Variants in LLGL1 observed in about 807,000 individuals in gnomAD.
LLGL1 encodes the protein LLGL scribble cell polarity complex component 1.
Under a neutral mutation model 110.6 loss-of-function variants are expected in LLGL1, and 58 were observed. The observed-to-expected ratio is 0.52, with a 90% CI of 0.42 to 0.65. The LOEUF (loss-of-function observed/expected upper bound fraction) is 0.65. Ranked by LOEUF, LLGL1 falls within the 30% of genes least tolerant of loss-of-function variation. The pLI is 0.00. For missense variants in LLGL1, 1,229 were observed against 1,462.1 expected, an observed-to-expected ratio of 0.84 and a Z score of 2.60; for synonymous variants, 674 against 607.2, an observed-to-expected ratio of 1.11 and a Z score of -1.62.
At position 18,240,052 on chromosome 17, in the gene LLGL1, C is replaced by T. The variant is rs4925152; in HGVS notation, c.2207-526C>T. On this transcript the variant is annotated intron_variant, in intron 16 of 22. Coordinates refer to ENST00000316843, the MANE Select transcript of LLGL1 (RefSeq NM_004140.4). This position sits in a 1 kb window ranked among gnomAD's most constrained non-coding sequence, Gnocchi z 5.3. ...GTCGATGGATGGTCGTCCTAGGTGT[C>T]CCCAGGCTTGGCGGCTTCCTCTGGC... 5.2e-3 allele frequency among the ~76,000 whole-genome samples: 788 copies of T among 152,178 alleles called. 8 individuals are homozygous for T. Among genetic ancestry groups the T allele is most frequent in the African/African-American group, 0.012 (504 of 41,510 alleles).
Position 18,232,542 on chromosome 17 carries a change from C to T in LLGL1, c.227C>T (p.Ala76Val). The change falls in exon 3 of 23, where the codon GCC (alanine) becomes GTC (valine). Residue 76 changes from alanine (A) to valine (V), a missense_variant. Physicochemically the swap from Ala to Val is moderately conservative, Grantham distance 64 (BLOSUM62 0). Coordinates refer to ENST00000316843, the MANE Select transcript of LLGL1 (RefSeq NM_004140.4). ...VEFTGLHRDA[A>V]TVTQMHFLTG... ...TTCACAGGCCTGCACCGGGATGCAG[C>T]CACTGTCACACAGATGCACTTCTTG... is the stretch of plus-strand genomic sequence containing the variant. 6.2e-7 allele frequency: 1 copy of T among 1,614,128 alleles called. No individual in the cohort carries two copies. Among genetic ancestry groups the T allele is most frequent in the Non-Finnish European group, 8.5e-7 (1 of 1,179,962 alleles).
At position 18,242,726 on chromosome 17, in the gene LLGL1, C is replaced by T; in HGVS notation, c.3117-17C>T. The stretch of plus-strand genomic sequence containing the variant: ...GCTCCCCCGCCCCCACCCCTGAGCA[C>T]CATCCCCATCTCGCAGCTCCTCTGA... On this transcript the variant is annotated splice_polypyrimidine_tract_variant and intron_variant, in intron 21 of 22. Coordinates refer to ENST00000316843, the MANE Select transcript of LLGL1 (RefSeq NM_004140.4). 1 of 1,564,616 alleles carries T rather than the reference C, an allele frequency of 6.4e-7. No homozygotes were observed. The highest frequency in any genetic ancestry group is 1.2e-5 in the South Asian group (1 of 85,494).
chr17:18,238,151 T>G lies in LLGL1; in HGVS notation c.1989T>G (p.Ser663=). 1 of 1,613,684 alleles carries G rather than the reference T, an allele frequency of 6.2e-7. No homozygotes were observed. The highest frequency in any genetic ancestry group is 1.1e-5 in the South Asian group (1 of 91,086). The change falls in exon 15 of 23, where the codon TCT becomes TCG. Residue 663 remains serine, a synonymous_variant. Transcript: ENST00000316843. ...CTCTCAAGAAGTCACTGCGCCAGTC[T>G]TTCCGGCGCATTCGCAAGAGTCGTG... ...VKSLKKSLRQ[S]FRRIRKSRVS... is the part of the protein sequence containing the mutation.
rs1257176122 is a variant in LLGL1, at chr17:18,233,916, C to G, written c.531C>G (p.Ala177=). ...TLTLLEGQTL[A]PGEVLRSVPD... The stretch of plus-strand genomic sequence containing the variant: ...CCCTGCTCGAGGGGCAGACGCTTGC[C>G]CCAGGCGAGGTTCTGCGCAGGTAAG... Residue 177 remains alanine (A), a synonymous_variant, in exon 5 of 23, where the codon GCC becomes GCG. Transcript: ENST00000316843. 1 of 1,612,920 alleles carries G rather than the reference C, an allele frequency of 6.2e-7. No homozygotes were observed. Among genetic ancestry groups the G allele is most frequent in the South Asian group, 1.1e-5 (1 of 91,082 alleles).
chr17:18,234,213 C>A, intron 6 of LLGL1, 38 bp downstream of exon 6: 4 of 1,599,034 alleles, frequency 2.5e-6, no homozygotes, highest in Non-Finnish European at 3.4e-6. Context: ...AGCCTGGGCC[C>A]CTTGTGCATG....
chr17:18,241,504 T>C lies in LLGL1; in HGVS notation c.2556T>C (p.His852=), dbSNP rs750130259. The change falls in exon 18 of 23, where the codon CAT becomes CAC. Residue 852 remains histidine (H), a synonymous_variant. Transcript: ENST00000316843. Reference sequence around the variant, plus strand: ...AGACCAAGTTCAAGCTGACGGCCCATGAGGGCTGTCGTGTGCGCAAGGTGG... The same window carrying C: ...AGACCAAGTTCAAGCTGACGGCCCACGAGGGCTGTCGTGTGCGCAAGGTGG... ...SAKTKFKLTA[H]EGCRVRKVAL... is the part of the protein sequence containing the mutation. 54 of 1,613,716 alleles carry C rather than the reference T, an allele frequency of 3.3e-5. No individual in the cohort carries two copies. The highest frequency in any genetic ancestry group is 1.6e-4 in the Middle Eastern group (1 of 6,084).
At chr17:18,239,940 G>A (rs111579964) in intron 16 of LLGL1, among the ~76,000 whole-genome samples, 2,352 of 152,190 alleles carry the variant, frequency 0.015, 55 homozygotes, top group African/African-American at 0.047. Context: ...AGCAGGTGCC[G>A]AGTCTGCTCT....
At chr17:18,239,040 G>A (rs1333450042) in intron 16 of LLGL1, among the ~76,000 whole-genome samples, 1 of 152,152 alleles carries the variant, frequency 6.6e-6, no homozygotes, top group Non-Finnish European at 1.5e-5. Context: ...GCTCTCCCAG[G>A]GGGACTGCTG....
rs751735771 is a variant in LLGL1 at position 18,238,117 on chromosome 17, G to A, written c.1955G>A (p.Arg652Gln). The A allele has an allele frequency of 8.1e-6, 13 of 1,613,700 alleles. No individual in the cohort carries two copies. The highest frequency in any genetic ancestry group is 4.5e-5 in the East Asian group (2 of 44,888). The change falls in exon 15 of 23, where the codon CGG (arginine) becomes CAG (glutamine). Residue 652 changes from arginine to glutamine, a missense_variant. By Grantham distance (43) the Arg-to-Gln change is conservative. Coordinates refer to ENST00000316843, the MANE Select transcript of LLGL1 (RefSeq NM_004140.4). ...CTGGCCATGGAGGGTCCGCTCTCCC[G>A]GGTGAAGTCTCTCAAGAAGTCACTG... ...DSLAMEGPLSRVKSLKKSLRQ... is the reference protein window; with the variant it reads ...DSLAMEGPLSQVKSLKKSLRQ...
At chr17:18,232,612 GC>G (rs950212350) in intron 3 of LLGL1, 36 bp downstream of exon 3, 1 of 1,613,970 alleles carries the variant, frequency 6.2e-7, no homozygotes, top group Admixed American at 1.7e-5. Flanking sequence ...GCTCCCTGTG[GC>G]CCCCATATCT....
chr17:18,239,198 G>A (rs948972182), intron 16 of LLGL1, among the ~76,000 whole-genome samples: 6 of 152,156 alleles, frequency 3.9e-5, no homozygotes, highest in Admixed American at 2.0e-4. Context: ...GCCCCGAGCC[G>A]GGCATGTGTG....
chr17:18,234,209 G>A (rs1370461048), intron 6 of LLGL1, 34 bp downstream of exon 6: 1 of 1,599,134 alleles, frequency 6.3e-7, no homozygotes, highest in Non-Finnish European at 8.5e-7. Context: ...CCTCAGCCTG[G>A]GCCCCTTGTG....
In LLGL1 at chr17:18,241,584, C is replaced by T. The variant is rs765883586; in HGVS notation, c.2636C>T (p.Ala879Val). ...ACEDYAETCL[A>V]CLTNLGDVHV... ...GAGGACTATGCTGAGACCTGCCTGG[C>T]CTGCCTCACCAACCTGGGTGACGTC... is the stretch of plus-strand genomic sequence containing the variant. The change falls in exon 18 of 23, where the codon GCC (alanine) becomes GTC (valine). Residue 879 changes from alanine to valine, a missense_variant. Ala to Val is a moderately conservative substitution (Grantham distance 64). Coordinates refer to ENST00000316843, the MANE Select transcript of LLGL1 (RefSeq NM_004140.4). 1 of 1,613,826 alleles carries T rather than the reference C, an allele frequency of 6.2e-7. No homozygotes were observed. The highest frequency in any genetic ancestry group is 1.1e-5 in the South Asian group (1 of 91,086).
rs78750981 is a variant in LLGL1, at chr17:18,234,831, G to A, written c.906-8G>A. ...GTTCATGGCTCGCACACCTCCCTCT[G>A]CACATAGGGGCCACTTTATCATCTT... On this transcript the variant is annotated splice_polypyrimidine_tract_variant and splice_region_variant and intron_variant, in intron 8 of 22. Transcript: ENST00000316843. 4.8e-3 allele frequency: 7,745 copies of A among 1,613,886 alleles called. 349 individuals are homozygous for A. The African/African-American group carries it at 0.093, about 19-fold the overall frequency.
At chr17:18,229,845 G>A (rs2047529649) in intron 1 of LLGL1, 96 bp from the exon 2 acceptor site, 2 of 770,302 alleles carry the variant, frequency 2.6e-6, no homozygotes, top group Non-Finnish European at 4.3e-6. Context: ...TGTGTCAGCT[G>A]CAGACCCTGG....
chr17:18,232,445 CTG>C (rs752310318), intron 2 of LLGL1, 48 bp from the exon 3 acceptor site: 2 of 1,524,062 alleles, frequency 1.3e-6, no homozygotes, highest in Admixed American at 3.5e-5. Context: ...GTCTTCCTCA[CTG>C]TGGTTTGCTG....
intron 11 of LLGL1, 57 bp downstream of exon 11, chr17:18,235,594 T>A: frequency 6.4e-7 from 1 of 1,564,978 alleles, no homozygotes. Context: ...GGAGAGCCCA[T>A]CCTGGGCCTG....
rs757625486 is a variant in LLGL1, at chr17:18,235,323, C to T, written c.1284+11C>T. On this transcript the variant is annotated intron_variant, in intron 10 of 22. Coordinates refer to ENST00000316843, the MANE Select transcript of LLGL1 (RefSeq NM_004140.4). Reference sequence around the variant, plus strand: ...GTCTCCAGTGCCTTGGTGTGTGCGGCGATCAGGGGGGTCTTACAGGGTGGA... The same window carrying T: ...GTCTCCAGTGCCTTGGTGTGTGCGGTGATCAGGGGGGTCTTACAGGGTGGA... 9.3e-6 allele frequency: 15 copies of T among 1,608,908 alleles called. No individual in the cohort carries two copies. The highest frequency in any genetic ancestry group is 2.2e-5 in the East Asian group (1 of 44,870).
Position 18,234,029 on chromosome 17 carries a change from C to T in LLGL1, c.568C>T (p.Arg190Cys), listed in dbSNP as rs750040535. ...CCTCCACAGCGTGCCAGACGACTAC[C>T]GCTGTGGGAAGGCACTGGGCCCCGT... The part of the protein sequence containing the change: ...EVLRSVPDDY[R>C]CGKALGPVES... The change falls in exon 6 of 23, where the codon CGC (arginine) becomes TGC (cysteine). Residue 190 changes from arginine to cysteine, a missense_variant. Physicochemically the swap from Arg to Cys is radical, Grantham distance 180. Coordinates refer to ENST00000316843, the MANE Select transcript of LLGL1 (RefSeq NM_004140.4). The T allele has an allele frequency of 5.0e-6, 8 of 1,593,970 alleles. No homozygotes were observed. Among genetic ancestry groups the T allele is most frequent in the East Asian group, 4.5e-5 (2 of 44,468 alleles).
Sources: gnomAD v4.1 joint callset for allele counts (sites outside exome capture counted in the v4.1 genomes callset) on GRCh38, gnomAD v4.1.1 for gene constraint, Gnocchi (gnomAD v3.1) non-coding constraint, MANE v1.5 for transcripts, NCBI Gene and HGNC (gene_info 2026-07-23, HGNC 2026-07-21) for gene names.